The following STAM variants were observed in gnomAD, a reference collection of about 807,000 sequenced individuals.
STAM encodes the protein signal transducing adaptor molecule, also known as signal transducing adapter molecule 1.
Under a neutral mutation model 63.4 loss-of-function variants are expected in STAM, and 16 were observed. That is an observed-to-expected ratio of 0.25 (90% CI 0.17 to 0.38). The LOEUF is 0.38. Ranked by LOEUF, STAM falls within the 10% of genes least tolerant of loss-of-function variation. The pLI is 1.00. For missense variants in STAM, 636 were observed against 657.1 expected (o/e 0.97, Z 0.35); for synonymous variants, 238 against 223.9 (o/e 1.06, Z -0.56).
intron 9 of STAM, among the ~76,000 whole-genome samples, chr10:17,704,029 T>C (rs999598340): frequency 2.6e-5 from 4 of 152,208 alleles, no homozygotes; most frequent in Admixed American, 1.3e-4. Context: ...AACTCACGCA[T>C]TGTAAGTTTA....
chr10:17,711,156 T>C (rs1836537008), intron 13 of STAM, among the ~76,000 whole-genome samples: 1 of 152,202 alleles, frequency 6.6e-6, no homozygotes, highest in Non-Finnish European at 1.5e-5. Flanking sequence ...AGTTTATATA[T>C]ATCTGAGAGG....
chr10:17,658,659 A>T (rs75036766), intron 1 of STAM, among the ~76,000 whole-genome samples: 1 of 151,134 alleles, frequency 6.6e-6, no homozygotes, highest in Non-Finnish European at 1.5e-5. Context: ...TAATTTTTGT[A>T]TTTTTTTTGT....
intron 4 of STAM, among the ~76,000 whole-genome samples, chr10:17,685,131 T>C (rs892731302): frequency 1.4e-4 from 21 of 152,188 alleles, no homozygotes; most frequent in Non-Finnish European, 2.2e-4. Flanking sequence ...CAAGCCATAT[T>C]AGAGTGTTTT....
In STAM at chr10:17,651,804, T is replaced by C. The variant is rs143674279; in HGVS notation, c.40+7425T>C. Reference sequence around the variant, plus strand: ...TTACTTTTCCATTGGCCATTTTTAATGAACTGTTACATCTTCGGGCTGACT... The same window carrying C: ...TTACTTTTCCATTGGCCATTTTTAACGAACTGTTACATCTTCGGGCTGACT... On this transcript the variant is annotated intron_variant, in intron 1 of 13. Coordinates refer to ENST00000377524, the MANE Select transcript of STAM (RefSeq NM_003473.4). 3.9e-4 allele frequency among the ~76,000 whole-genome samples: 60 copies of C among 152,354 alleles called. No individual in the cohort carries two copies. In the East Asian group the frequency reaches 0.011, roughly 29 times the overall value.
intron 2 of STAM, among the ~76,000 whole-genome samples, chr10:17,678,257 G>A (rs1022624783): frequency 3.5e-5 from 4 of 113,560 alleles, no homozygotes; most frequent in Non-Finnish European, 7.8e-5. Flanking sequence ...TTCATGTGGT[G>A]TAATTTTTTT....
chr10:17,706,130 A>C (rs1836257063), intron 12 of STAM, among the ~76,000 whole-genome samples: 1 of 152,258 alleles, frequency 6.6e-6, no homozygotes, highest in South Asian at 2.1e-4. Flanking sequence ...TAGCTGTTTG[A>C]AACTTTCTAA....
intron 6 of STAM, among the ~76,000 whole-genome samples, chr10:17,694,736 A>C (rs781977405): frequency 1.1e-4 from 16 of 152,218 alleles, no homozygotes; most frequent in Non-Finnish European, 2.4e-4. Flanking sequence ...CAAGGAAAAT[A>C]TCTGCAGCTA....
intron 5 of STAM, 24 bp from the exon 6 acceptor site, chr10:17,693,198 T>A: frequency 6.2e-7 from 1 of 1,607,250 alleles, no homozygotes; most frequent in Non-Finnish European, 8.5e-7. Context: ...AACCCTCAAA[T>A]ACTGTGTTCC....
At chr10:17,688,963 G>A (rs1554826436) in intron 5 of STAM, among the ~76,000 whole-genome samples, 1 of 152,114 alleles carries the variant, frequency 6.6e-6, no homozygotes. Context: ...GACTTTAGAA[G>A]GGGTAAATGG....
At chr10:17,694,031 T>G (rs782599861) in intron 6 of STAM, among the ~76,000 whole-genome samples, 18 of 152,174 alleles carry the variant, frequency 1.2e-4, no homozygotes, top group Non-Finnish European at 2.5e-4. Flanking sequence ...ATTTTTTTGA[T>G]TGCTAGTGAG....
chr10:17,699,060 T>C (rs191818822), intron 8 of STAM, among the ~76,000 whole-genome samples: 3 of 152,196 alleles, frequency 2.0e-5, no homozygotes, highest in Non-Finnish European at 4.4e-5. Context: ...ACCCAAGTGA[T>C]TGGACTTCAT....
intron 1 of STAM, among the ~76,000 whole-genome samples, 167 bp downstream of exon 1, chr10:17,644,546 C>T (rs1833444679): frequency 6.6e-6 from 1 of 152,166 alleles, no homozygotes; most frequent in South Asian, 2.1e-4. Context: ...GGGCTTGGCG[C>T]ATCCTCTTTG....
intron 1 of STAM, among the ~76,000 whole-genome samples, chr10:17,655,527 A>G (rs1172947898): frequency 6.6e-6 from 1 of 152,222 alleles, no homozygotes; most frequent in Non-Finnish European, 1.5e-5. Context: ...TGTGATATAT[A>G]GCAGGTATTA....
At chr10:17,657,477 C>G (rs1833987321) in intron 1 of STAM, among the ~76,000 whole-genome samples, 1 of 152,154 alleles carries the variant, frequency 6.6e-6, no homozygotes, top group African/African-American at 2.4e-5. Flanking sequence ...GCTGGCCTCA[C>G]AGAATGAGTT....
chr10:17,692,290 A>C (rs1022511621), intron 5 of STAM, among the ~76,000 whole-genome samples: 1 of 152,196 alleles, frequency 6.6e-6, no homozygotes, highest in Non-Finnish European at 1.5e-5. Context: ...CAAACAAGAG[A>C]ATGTGTAATT....
At chr10:17,646,808 T>C (rs1357264641) in intron 1 of STAM, among the ~76,000 whole-genome samples, 10 of 152,216 alleles carry the variant, frequency 6.6e-5, no homozygotes, top group African/African-American at 2.4e-4. Flanking sequence ...ATACAGTGTA[T>C]AGAATACACT....
intron 4 of STAM, among the ~76,000 whole-genome samples, chr10:17,685,760 A>C (rs1337878873): frequency 6.6e-6 from 1 of 152,144 alleles, no homozygotes; most frequent in East Asian, 1.9e-4. Context: ...CTGTTTTTCT[A>C]TTGGGACACA....
intron 4 of STAM, among the ~76,000 whole-genome samples, chr10:17,685,464 G>T (rs972305735): frequency 6.6e-6 from 1 of 152,160 alleles, no homozygotes; most frequent in African/African-American, 2.4e-5. Context: ...GATAGGGCCA[G>T]ATGAGAGTCC....
At chr10:17,688,840 A>G (rs1374609128) in intron 5 of STAM, among the ~76,000 whole-genome samples, 1 of 152,166 alleles carries the variant, frequency 6.6e-6, no homozygotes, top group Non-Finnish European at 1.5e-5. Flanking sequence ...TTAATGCTAT[A>G]ATTTTCTACA....
Sources: gnomAD v4.1 joint callset for allele counts (sites outside exome capture counted in the v4.1 genomes callset) on GRCh38, gnomAD v4.1.1 for gene constraint, MANE v1.5 for transcripts, NCBI Gene and HGNC (gene_info 2026-07-23, HGNC 2026-07-21) for gene names.